USP44: variants seen among roughly 807,000 people sequenced by gnomAD.
The protein encoded by USP44 is ubiquitin specific peptidase 44, also known as ubiquitin carboxyl-terminal hydrolase 44.
Under a neutral mutation model 69.0 loss-of-function variants are expected in USP44, and 61 were observed. The ratio of observed to expected loss-of-function variants is 0.88; its 90% CI spans 0.72 to 1.09. The LOEUF is 1.09. USP44 is among the 50% of genes least tolerant of loss of function. The pLI is 0.00. For missense variants in USP44, 753 were observed against 849.9 expected, an observed-to-expected ratio of 0.89 and a Z score of 1.42; for synonymous variants, 297 against 295.4, an observed-to-expected ratio of 1.01 and a Z score of -0.06.
At chr12:95,522,291 TG>T (rs1301796010) in intron 4 of USP44, among the ~76,000 whole-genome samples, 1 of 151,112 alleles carries the variant, frequency 6.6e-6, no homozygotes, top group Non-Finnish European at 1.5e-5. Flanking sequence ...AGTTTTATGA[TG>T]GAAAAAAAAA....
At chr12:95,544,761 T>C (rs181921719) in intron 1 of USP44, among the ~76,000 whole-genome samples, 43 of 152,292 alleles carry the variant, frequency 2.8e-4, no homozygotes, top group Non-Finnish European at 3.2e-4. Context: ...AATCTATATG[T>C]TAAAATCTGA....
At chr12:95,536,038 CCT>C (rs1491092103) in intron 1 of USP44, among the ~76,000 whole-genome samples, 5 of 116,406 alleles carry the variant, frequency 4.3e-5, no homozygotes, top group Non-Finnish European at 7.8e-5. Context: ...CCTTTTTTTT[CCT>C]TTTTTTTTTT....
At chr12:95,534,468 T>C (rs1265518800) in intron 1 of USP44, 142 bp from the exon 2 acceptor site, 9 of 508,754 alleles carry the variant, frequency 1.8e-5, no homozygotes, top group South Asian at 3.2e-5. Context: ...CCCATTTCCC[T>C]TTCTCTAAAC....
chr12:95,534,473 C>G (rs147951781), intron 1 of USP44, 147 bp from the exon 2 acceptor site: 136 of 502,532 alleles, frequency 2.7e-4, no homozygotes, highest in African/African-American at 2.3e-3. Flanking sequence ...TTCCCTTTCT[C>G]TAAACTTCCC....
rs1363770025 is a variant in USP44 at position 95,544,117 on chromosome 12, C to T, written c.-71+7155G>A. 1.9e-4 allele frequency among the ~76,000 whole-genome samples: 25 copies of T among 134,174 alleles called. 1 individual carries two copies. Among genetic ancestry groups the T allele is most frequent in the African/African-American group, 5.1e-4 (18 of 34,960 alleles). The allele number at this position is 134,174 out of a possible 152,430, so 88.0% of individuals were successfully genotyped here. A position where few individuals can be genotyped will look rare whatever the true frequency, so the allele number is the denominator to read the frequency against. On this transcript the variant is annotated intron_variant, in intron 1 of 5. Transcript: ENST00000258499. ...TCGCCCAGGTTGGAGTGCAGTGGCA[C>T]GATCTCGGCTCACTGCAAGCTCCAC...
rs76228144 is a variant in USP44, at chr12:95,535,219, T to C, written c.-70-893A>G. On this transcript the variant is annotated intron_variant, in intron 1 of 5. Transcript: ENST00000258499. ...AGAGGGAAAATCATACCAACTTCAA[T>C]TGAGTTGTTGAAGAACTGAGAGATA... Among the ~76,000 whole-genome samples the C allele has an allele frequency of 1.1e-3, 165 of 152,344 alleles. 2 individuals are homozygous for C. In the East Asian group the frequency reaches 0.03, roughly 27 times the overall value.
intron 1 of USP44, among the ~76,000 whole-genome samples, chr12:95,537,477 T>C (rs1251999388): frequency 2.0e-5 from 3 of 151,916 alleles, no homozygotes; most frequent in East Asian, 3.9e-4. Context: ...CGTCACCATG[T>C]CCAGCTAATT....
intron 3 of USP44, among the ~76,000 whole-genome samples, chr12:95,527,548 G>A (rs555977270): frequency 1.3e-5 from 2 of 151,596 alleles, no homozygotes; most frequent in South Asian, 2.1e-4. Context: ...GCAGTGGCAC[G>A]ATCTTGGCTC....
In USP44 at chr12:95,518,112, T is replaced by G; in HGVS notation, c.*42A>C. 6.3e-7 allele frequency: 1 copy of G among 1,597,880 alleles called. No homozygotes were observed. The highest frequency in any genetic ancestry group is 8.6e-7 in the Non-Finnish European group (1 of 1,167,870). On this transcript the variant is annotated 3_prime_UTR_variant, in exon 6 of 6. Transcript: ENST00000258499. ...AATGGTACATCAGTCTTTTAAAAAG[T>G]ATATATATAAATCACAGGAAGAAAA...
rs2077645669 is a variant in USP44 at position 95,548,433 on chromosome 12, G to C, written c.-71+2839C>G. On this transcript the variant is annotated intron_variant, in intron 1 of 5. Transcript: ENST00000258499. The surrounding 1 kb of genome is among the most constrained non-coding windows in gnomAD (Gnocchi z 4.1). Reference sequence around the variant, plus strand: ...CCTCGCCCGCGCCCGTTCTCCCCCAGCTCGCCCCCTCCAGCCCGCTGCGCC... The same window carrying C: ...CCTCGCCCGCGCCCGTTCTCCCCCACCTCGCCCCCTCCAGCCCGCTGCGCC... 1 of 152,550 alleles carries C rather than the reference G, an allele frequency of 6.6e-6. No homozygotes were observed. The highest frequency in any genetic ancestry group is 6.5e-5 in the Admixed American group (1 of 15,288). 9.4% of individuals were successfully genotyped at this position (152,550 alleles called of 1,614,324 possible). A position where few individuals can be genotyped will look rare whatever the true frequency, so the allele number is the denominator to read the frequency against.
intron 1 of USP44, among the ~76,000 whole-genome samples, chr12:95,538,569 C>G (rs1248203794): frequency 2.0e-5 from 3 of 151,756 alleles, no homozygotes; most frequent in Non-Finnish European, 4.4e-5. Flanking sequence ...AAGATAAAAT[C>G]TTTTTAAAAA....
intron 1 of USP44, among the ~76,000 whole-genome samples, chr12:95,536,029 CT>C (rs869258655): frequency 1.6e-5 from 2 of 123,872 alleles, no homozygotes; most frequent in Non-Finnish European, 3.7e-5. Flanking sequence ...TCTTTCTTTC[CT>C]TTTTTTTCCT....
intron 1 of USP44, among the ~76,000 whole-genome samples, chr12:95,544,511 G>A (rs146290311): frequency 1.3e-5 from 2 of 152,220 alleles, no homozygotes; most frequent in African/African-American, 2.4e-5. Flanking sequence ...AAGGTCAATG[G>A]TATGAATAAT....
chr12:95,543,966 CAAAAAAAAAAAA>C (rs760105964), intron 1 of USP44, among the ~76,000 whole-genome samples: 3 of 47,682 alleles, frequency 6.3e-5, no homozygotes, highest in Non-Finnish European at 1.1e-4. Context: ...GACTGCATCT[CAAAAAAAAAAAA>C]AAAAAAAAAA....
At chr12:95,541,478 C>G (rs151186032) in intron 1 of USP44, among the ~76,000 whole-genome samples, 1 of 152,016 alleles carries the variant, frequency 6.6e-6, no homozygotes, top group Non-Finnish European at 1.5e-5. Flanking sequence ...ACTCGGGGGG[C>G]TGAGGTGGGA....
At chr12:95,549,190 C>T (rs563333428) in intron 1 of USP44, among the ~76,000 whole-genome samples, 1 of 152,202 alleles carries the variant, frequency 6.6e-6, no homozygotes, top group Admixed American at 6.5e-5. Flanking sequence ...GGCAGAAACG[C>T]GTGGCAAACT....
chr12:95,531,228 A>AC (rs1345835311), intron 2 of USP44, among the ~76,000 whole-genome samples: 1 of 152,186 alleles, frequency 6.6e-6, no homozygotes, highest in Non-Finnish European at 1.5e-5. Flanking sequence ...TACCAAAAAA[A>AC]ACACACAAAA....
chr12:95,541,817 T>G (rs1565836951), intron 1 of USP44, among the ~76,000 whole-genome samples: 1 of 150,520 alleles, frequency 6.6e-6, no homozygotes, highest in Non-Finnish European at 1.5e-5. Flanking sequence ...CTCATCTTCA[T>G]CCTCCAAGGT....
At chr12:95,550,609 A>G (rs2077707874) in intron 1 of USP44, among the ~76,000 whole-genome samples, 1 of 152,246 alleles carries the variant, frequency 6.6e-6, no homozygotes, top group Non-Finnish European at 1.5e-5. Context: ...CCTTGAAAGC[A>G]AAATATTAAT....
Sources: allele counts gnomAD v4.1 joint callset (sites outside exome capture counted in the v4.1 genomes callset), GRCh38; gene constraint gnomAD v4.1.1; non-coding constraint Gnocchi (gnomAD v3.1); transcripts MANE v1.5; gene names NCBI Gene and HGNC (gene_info 2026-07-23, HGNC 2026-07-21).